The following CNTLN variants were observed in gnomAD, a reference collection of about 807,000 sequenced individuals.
CNTLN encodes centlein, centrosomal protein.
In CNTLN, 212 loss-of-function variants were observed where a neutral mutation model predicts 180.0. That is an observed-to-expected ratio of 1.18 (90% CI 1.05 to 1.32). The LOEUF (loss-of-function observed/expected upper bound fraction) is 1.32. Ranked by LOEUF, CNTLN falls within the 40% of genes most tolerant of loss-of-function variation. The pLI is 0.00. For synonymous variants in CNTLN, 722 were observed against 563.1 expected, an observed-to-expected ratio of 1.28 and a Z score of -3.99; for missense variants, 2,095 against 1,610.9, an observed-to-expected ratio of 1.30 and a Z score of -5.14.
intron 2 of CNTLN, among the ~76,000 whole-genome samples, chr9:17,148,781 C>T (rs867756268): frequency 4.6e-5 from 7 of 152,088 alleles, no homozygotes; most frequent in Admixed American, 6.6e-5. Flanking sequence ...TTTGTGTGTA[C>T]CTGCAAATGA....
At chr9:17,400,740 C>G (rs1826909668) in intron 15 of CNTLN, among the ~76,000 whole-genome samples, 1 of 152,010 alleles carries the variant, frequency 6.6e-6, no homozygotes, top group South Asian at 2.1e-4. Flanking sequence ...CACCCCTTAC[C>G]CCATCCTCAG....
intron 8 of CNTLN, among the ~76,000 whole-genome samples, chr9:17,309,592 C>CAG (rs10635825): frequency 0.8 from 121,458 of 151,810 alleles, 49,294 homozygotes; most frequent in Non-Finnish European, 0.87. Flanking sequence ...AAGTATCTAA[C>CAG]TAAGTTTCAT....
chr9:17,280,714 A>T (rs1229342115), intron 6 of CNTLN, among the ~76,000 whole-genome samples: 2 of 152,218 alleles, frequency 1.3e-5, no homozygotes, highest in Non-Finnish European at 2.9e-5. Context: ...AAGCCATCAG[A>T]TGGAAGAAGA....
chr9:17,325,561 A>ACACG (rs1820227274), intron 8 of CNTLN, among the ~76,000 whole-genome samples: 1 of 139,328 alleles, frequency 7.2e-6, no homozygotes, highest in African/African-American at 2.6e-5. Flanking sequence ...TTTATTACAC[A>ACACG]CACACACACA....
chr9:17,461,672 C>G (rs1244153982), intron 19 of CNTLN, among the ~76,000 whole-genome samples: 2 of 151,404 alleles, frequency 1.3e-5, no homozygotes, highest in South Asian at 2.1e-4. Flanking sequence ...AGGAATAGTT[C>G]TAATAGAAAA....
intron 25 of CNTLN, among the ~76,000 whole-genome samples, chr9:17,489,321 T>C (rs78697976): frequency 0.012 from 1,889 of 152,256 alleles, 35 homozygotes; most frequent in African/African-American, 0.042. Context: ...TTATTGCTCA[T>C]TGGGTATGAG....
At chr9:17,194,193 T>TAG in intron 2 of CNTLN, among the ~76,000 whole-genome samples, 1 of 152,360 alleles carries the variant, frequency 6.6e-6, no homozygotes, top group East Asian at 1.9e-4. Flanking sequence ...TTCCCCATTG[T>TAG]CTTAGGGATT....
intron 10 of CNTLN, among the ~76,000 whole-genome samples, chr9:17,333,457 A>C (rs1195290634): frequency 6.6e-6 from 1 of 152,144 alleles, no homozygotes; most frequent in Admixed American, 6.5e-5. Context: ...ATTCTCAAGT[A>C]GTTTTATGAT....
intron 2 of CNTLN, among the ~76,000 whole-genome samples, chr9:17,180,973 A>G (rs1821090043): frequency 6.6e-6 from 1 of 151,422 alleles, no homozygotes; most frequent in Non-Finnish European, 1.5e-5. Context: ...TATCTTCAAG[A>G]TTTTTTCTTA....
chr9:17,301,765 G>C, intron 7 of CNTLN: 5 of 971,156 alleles, frequency 5.1e-6, no homozygotes, highest in Non-Finnish European at 6.1e-6. Flanking sequence ...CATTACAATT[G>C]TTTTGGTGGC....
At chr9:17,270,910 G>A (rs1410755690) in intron 5 of CNTLN, among the ~76,000 whole-genome samples, 1 of 144,470 alleles carries the variant, frequency 6.9e-6, no homozygotes, top group Non-Finnish European at 1.5e-5. Context: ...CCTTAATTTT[G>A]TATTAATATC....
Position 17,273,836 on chromosome 9 carries a change from T to C in CNTLN, c.953T>C (p.Ile318Thr), listed in dbSNP as rs778936437. Residue 318 changes from isoleucine (I) to threonine (T), a missense_variant, in exon 6 of 26, where the codon ATC becomes ACC. Transcript: ENST00000380647. ...TTGAGTAATAAACAGACTGAACTTA[T>C]CCAGAAGGATATGGATATTACCCTG... is the stretch of plus-strand genomic sequence containing the variant. ...LQLSNKQTEL[I>T]QKDMDITLVR... The C allele has an allele frequency of 1.3e-6, 2 of 1,570,532 alleles. No homozygotes were observed. Among genetic ancestry groups the C allele is most frequent in the African/African-American group, 1.4e-5 (1 of 72,390 alleles).
intron 15 of CNTLN, among the ~76,000 whole-genome samples, chr9:17,400,650 A>G (rs892628438): frequency 6.6e-6 from 1 of 152,228 alleles, no homozygotes; most frequent in Non-Finnish European, 1.5e-5. Flanking sequence ...AGGATAGAAC[A>G]TTAAAATAGC....
Position 17,503,262 on chromosome 9 carries a change from A to G in CNTLN, c.*610A>G, listed in dbSNP as rs888852075. On this transcript the variant is annotated 3_prime_UTR_variant, in exon 26 of 26. Coordinates refer to ENST00000380647, the MANE Select transcript of CNTLN (RefSeq NM_017738.4). ...TTCTTCTTCTCTCTCTTAACTTCACAATACTATACGTTGTGTAGTCATATA... is the reference window on the plus strand; with the variant it reads ...TTCTTCTTCTCTCTCTTAACTTCACGATACTATACGTTGTGTAGTCATATA... 1 of 152,244 alleles carries G rather than the reference A, an allele frequency of 6.6e-6. No individual in the cohort carries two copies. The highest frequency in any genetic ancestry group is 2.1e-4 in the South Asian group (1 of 4,828). 9.4% of individuals were successfully genotyped at this position (152,244 alleles called of 1,614,324 possible). A position where few individuals can be genotyped will look rare whatever the true frequency, so the allele number is the denominator to read the frequency against.
chr9:17,338,198 C>T (rs113944851), intron 10 of CNTLN, among the ~76,000 whole-genome samples: 2 of 149,874 alleles, frequency 1.3e-5, no homozygotes, highest in African/African-American at 2.5e-5. Context: ...GTCTCTCTGT[C>T]GCCCAAGCTG....
chr9:17,145,803 A>T (rs1818416779), intron 2 of CNTLN, among the ~76,000 whole-genome samples: 1 of 152,128 alleles, frequency 6.6e-6, no homozygotes, highest in Admixed American at 6.6e-5. Flanking sequence ...TTTTTGTCGG[A>T]TTATTTTCAA....
At chr9:17,354,179 G>T (rs974408284) in intron 12 of CNTLN, among the ~76,000 whole-genome samples, 2 of 152,204 alleles carry the variant, frequency 1.3e-5, no homozygotes, top group Non-Finnish European at 2.9e-5. Context: ...CCGCCGGGCA[G>T]GGCTCGGGAC....
chr9:17,453,933 G>T (rs1808894), intron 18 of CNTLN, among the ~76,000 whole-genome samples: 83,008 of 152,082 alleles, frequency 0.55, 24,012 homozygotes, highest in East Asian at 0.72. Context: ...AGAAAAGCTT[G>T]CTTTTGATTA....
At chr9:17,425,666 C>G (rs1348278) in intron 18 of CNTLN, among the ~76,000 whole-genome samples, 56,045 of 151,866 alleles carry the variant, frequency 0.37, 10,795 homozygotes, top group South Asian at 0.56. Flanking sequence ...GGTGATTCTA[C>G]TGAGGTTTCA....
Sources: allele counts gnomAD v4.1 joint callset (sites outside exome capture counted in the v4.1 genomes callset), GRCh38; gene constraint gnomAD v4.1.1; transcripts MANE v1.5; gene names NCBI Gene and HGNC (gene_info 2026-07-23, HGNC 2026-07-21).